DUSP22: variants seen among roughly 807,000 people sequenced by gnomAD.
The protein encoded by DUSP22 is dual specificity phosphatase 22.
Under a neutral mutation model 24.5 loss-of-function variants are expected in DUSP22, and 24 were observed. The observed-to-expected ratio is 0.98, with a 90% confidence interval of 0.71 to 1.38. The LOEUF (loss-of-function observed/expected upper bound fraction) is 1.38. Among genes scored for constraint, DUSP22 ranks in the 40% most tolerant of loss-of-function variants. The probability of loss-of-function intolerance (pLI) is 0.00; values close to 1 mark genes in which losing one functional copy is unlikely to be tolerated. For missense variants in DUSP22, 330 were observed against 269.2 expected, an observed-to-expected ratio of 1.23 and a Z score of -1.58; for synonymous variants, 160 against 106.4, an observed-to-expected ratio of 1.50 and a Z score of -3.10.
chr6:335,033 G>A, intron 3 of DUSP22, 81 bp from the exon 4 acceptor site: 4 of 1,494,776 alleles, frequency 2.7e-6, no homozygotes, highest in Non-Finnish European at 3.7e-6. Flanking sequence ...TTTTTGACCT[G>A]TGTAAATAGT....
At chr6:337,543 C>T (rs1759412891) in intron 4 of DUSP22, among the ~76,000 whole-genome samples, 1 of 152,296 alleles carries the variant, frequency 6.6e-6, no homozygotes, top group Non-Finnish European at 1.5e-5. Context: ...AGTTCTAGGT[C>T]TCGTGGGTCA....
intron 2 of DUSP22, among the ~76,000 whole-genome samples, chr6:310,402 G>T (rs1758024917): frequency 6.6e-6 from 1 of 152,296 alleles, no homozygotes; most frequent in Non-Finnish European, 1.5e-5. Context: ...CCACTTCAGG[G>T]GATCACACCA....
Position 349,009 on chromosome 6 carries a change from A to AG in DUSP22, c.*62dup. 1 of 1,544,958 alleles carries AG rather than the reference A, an allele frequency of 6.5e-7. No homozygotes were observed. The highest frequency in any genetic ancestry group is 8.7e-7 in the Non-Finnish European group (1 of 1,143,938). On this transcript the variant is annotated 3_prime_UTR_variant, in exon 7 of 7. Coordinates refer to ENST00000419235, the MANE Select transcript of DUSP22 (RefSeq NM_001286555.3). ...TTGTCTTCAGTGTGCCCGGCTGGGC[A>AG]GGGGTGCGGTGGTGGTGGCCGATGA...
intron 3 of DUSP22, among the ~76,000 whole-genome samples, chr6:313,804 C>T (rs1191240485): frequency 6.6e-6 from 1 of 152,306 alleles, no homozygotes; most frequent in Non-Finnish European, 1.5e-5. Context: ...ATGATATATT[C>T]TTATTTTAAA....
At chr6:331,421 T>A (rs1759133764) in intron 3 of DUSP22, among the ~76,000 whole-genome samples, 1 of 152,310 alleles carries the variant, frequency 6.6e-6, no homozygotes, top group African/African-American at 2.4e-5. Context: ...TGTTCTAGAA[T>A]TTTTATTGCT....
intron 2 of DUSP22, 67 bp from the exon 3 acceptor site, chr6:311,813 G>A: frequency 7.3e-7 from 1 of 1,377,366 alleles, no homozygotes; most frequent in Non-Finnish European, 9.8e-7. Flanking sequence ...TTTTTTTTCT[G>A]GCTAGACTTT....
At chr6:323,884 C>T (rs1758723754) in intron 3 of DUSP22, among the ~76,000 whole-genome samples, 1 of 152,310 alleles carries the variant, frequency 6.6e-6, no homozygotes. Context: ...AGCCCCGCAG[C>T]ACCCAAGTGG....
chr6:305,692 A>G (rs1334382235), intron 2 of DUSP22, among the ~76,000 whole-genome samples: 1 of 152,306 alleles, frequency 6.6e-6, no homozygotes, highest in African/African-American at 2.4e-5. Context: ...GAGTTTGTGT[A>G]AGTGAATCAC....
rs1030251771 is a variant in DUSP22, at chr6:307,637, G to A, written c.55+2976G>A. ...GAGCAGCCCCTCCCTGGGCCGGAGG[G>A]TGGGTCCGTGGCTTCCTTACAACTT... On this transcript the variant is annotated intron_variant, in intron 2 of 6. Transcript: ENST00000419235. 3.9e-5 allele frequency among the ~76,000 whole-genome samples: 6 copies of A among 152,418 alleles called. No homozygotes were observed. The East Asian group carries it at 7.7e-4, about 20-fold the overall frequency.
chr6:348,529 G>A (rs1213498220), intron 6 of DUSP22: 1 of 850,640 alleles, frequency 1.2e-6, no homozygotes, highest in Non-Finnish European at 1.8e-6. Context: ...TCTCCCTTTG[G>A]GTGACGTACC....
chr6:335,128 G>A lies in DUSP22; in HGVS notation c.153G>A (p.Leu51=), dbSNP rs148848026. The change falls in exon 4 of 7, where the codon CTG becomes CTA. Residue 51 remains leucine, a synonymous_variant. Transcript: ENST00000419235. ...TTATTCTGCAGGGAGTTAAATACCT[G>A]TGCATCCCAGCAGCGGATTCACCAT... The part of the protein sequence containing the change: ...ARPMLEGVKY[L]CIPAADSPSQ... The A allele has an allele frequency of 9.4e-5, 152 of 1,613,632 alleles. No individual in the cohort carries two copies. The highest frequency in any genetic ancestry group is 1.2e-4 in the Non-Finnish European group (144 of 1,179,604).
At chr6:308,073 C>T (rs1482128913) in intron 2 of DUSP22, among the ~76,000 whole-genome samples, 1 of 151,514 alleles carries the variant, frequency 6.6e-6, no homozygotes, top group Non-Finnish European at 1.5e-5. Flanking sequence ...AAAGGTCATT[C>T]CCTCCAGGGC....
intron 1 of DUSP22, among the ~76,000 whole-genome samples, chr6:301,781 G>A (rs546571519): frequency 1.2e-4 from 19 of 152,418 alleles, no homozygotes; most frequent in South Asian, 2.1e-4. Flanking sequence ...ACTTGACAAC[G>A]GTGGTGGGAA....
intron 1 of DUSP22, among the ~76,000 whole-genome samples, chr6:299,204 C>CTT (rs1479120170): frequency 4.6e-5 from 7 of 152,304 alleles, no homozygotes. Context: ...CATTTTCTCT[C>CTT]TGTTTTTCTT....
intron 4 of DUSP22, among the ~76,000 whole-genome samples, chr6:343,450 T>C (rs1317020857): frequency 3.3e-5 from 5 of 150,572 alleles, no homozygotes; most frequent in Non-Finnish European, 7.5e-5. Context: ...CTCACGCTGC[T>C]GTGGCCCCCC....
At chr6:338,506 T>C (rs1057386667) in intron 4 of DUSP22, among the ~76,000 whole-genome samples, 13 of 152,298 alleles carry the variant, frequency 8.5e-5, no homozygotes, top group African/African-American at 3.1e-4. Context: ...TTTTGCTTTC[T>C]GTATCATCAA....
chr6:324,902 A>T (rs1268527464), intron 3 of DUSP22, among the ~76,000 whole-genome samples: 1 of 152,306 alleles, frequency 6.6e-6, no homozygotes, highest in East Asian at 1.9e-4. Context: ...AGCCAACTGC[A>T]AAACAGGCAC....
In DUSP22 at chr6:349,298, TGTGTGTATGTTGTGAAA is replaced by T; in HGVS notation, c.*352_*368del. On this transcript the variant is annotated 3_prime_UTR_variant, in exon 7 of 7. Transcript: ENST00000419235. ...GGGTATGTGCACCTAAGTGTGTACATGTGTGTATGTTGTGAAAGTGTCTGTGCACATGAATGTTTGTG... is the reference window on the plus strand; with the variant it reads ...GGGTATGTGCACCTAAGTGTGTACATGTGTCTGTGCACATGAATGTTTGTG... 8.2e-7 allele frequency: 1 copy of T among 1,217,606 alleles called. No homozygotes were observed. Among genetic ancestry groups the T allele is most frequent in the East Asian group, 4.2e-5 (1 of 23,976 alleles). The allele number at this position is 1,217,606 out of a possible 1,614,324, so 75.4% of individuals were successfully genotyped here.
At chr6:345,353 G>A (rs796363510) in intron 4 of DUSP22, among the ~76,000 whole-genome samples, 11 of 152,386 alleles carry the variant, frequency 7.2e-5, no homozygotes, top group African/African-American at 2.6e-4. Context: ...GGGATTACAG[G>A]TGTGTGCCAC....
Sources: allele counts gnomAD v4.1 joint callset (sites outside exome capture counted in the v4.1 genomes callset), GRCh38; gene constraint gnomAD v4.1.1; transcripts MANE v1.5; gene names NCBI Gene and HGNC (gene_info 2026-07-23, HGNC 2026-07-21).